Variants in ANKRD30BL observed in about 807,000 individuals in gnomAD.
The protein encoded by ANKRD30BL is ankyrin repeat domain 30B like.
In ANKRD30BL, 20 loss-of-function variants were observed where a neutral mutation model predicts 18.4. The observed-to-expected ratio is 1.09, with a 90% CI of 0.77 to 1.58. The LOEUF is 1.58. Ranked by LOEUF, ANKRD30BL falls within the 40% of genes most tolerant of loss-of-function variation. ANKRD30BL has a pLI of 0.00. For missense variants in ANKRD30BL, 224 were observed against 268.6 expected (o/e 0.83, Z 1.16); for synonymous variants, 72 against 100.9 (o/e 0.71, Z 1.72).
At chr2:132,154,287 T>C (rs1441905930) in intron 4 of ANKRD30BL, among the ~76,000 whole-genome samples, 2 of 152,154 alleles carry the variant, frequency 1.3e-5, no homozygotes, top group Non-Finnish European at 2.9e-5. Flanking sequence ...TTTAAAAGTG[T>C]ATGAAAAACA....
chr2:132,171,154 C>CAAAAAAA (rs34972551), intron 1 of ANKRD30BL, among the ~76,000 whole-genome samples: 4 of 120,628 alleles, frequency 3.3e-5, no homozygotes, highest in South Asian at 5.4e-4. Flanking sequence ...GACTCTGTCT[C>CAAAAAAA]AAAAAAAAAA....
chr2:132,237,536 C>A (rs1221383813), intron 1 of ANKRD30BL, among the ~76,000 whole-genome samples: 1 of 151,906 alleles, frequency 6.6e-6, no homozygotes, highest in Admixed American at 6.6e-5. Flanking sequence ...TTTGATAGAG[C>A]AGATTGGAAA....
At chr2:132,217,890 G>A (rs1679552449) in intron 1 of ANKRD30BL, among the ~76,000 whole-genome samples, 1 of 151,808 alleles carries the variant, frequency 6.6e-6, no homozygotes, top group Non-Finnish European at 1.5e-5. Flanking sequence ...TCTTTTTGTA[G>A]AATCTGCATG....
intron 1 of ANKRD30BL, among the ~76,000 whole-genome samples, chr2:132,204,680 T>C (rs201019326): frequency 0.042 from 3,194 of 75,176 alleles, no homozygotes; most frequent in East Asian, 0.13. Context: ...TAATTCAAGG[T>C]AGAAACAGCT....
intron 1 of ANKRD30BL, among the ~76,000 whole-genome samples, chr2:132,172,711 C>CA: frequency 7.0e-6 from 1 of 143,514 alleles, no homozygotes; most frequent in East Asian, 2.0e-4. Flanking sequence ...TTGAGGGTGA[C>CA]TTTTTTTTTT....
intron 1 of ANKRD30BL, among the ~76,000 whole-genome samples, chr2:132,236,913 G>A (rs1680166019): frequency 6.6e-6 from 1 of 151,596 alleles, no homozygotes; most frequent in African/African-American, 2.4e-5. Context: ...AAGAAAATGT[G>A]GCACATATAC....
At chr2:132,200,580 C>T (rs886379511) in intron 1 of ANKRD30BL, among the ~76,000 whole-genome samples, 1 of 152,126 alleles carries the variant, frequency 6.6e-6, no homozygotes, top group Non-Finnish European at 1.5e-5. Context: ...AGGAATCGGA[C>T]TTACAAGGGA....
At position 132,161,478 on chromosome 2, in the gene ANKRD30BL, G is replaced by T. The variant is rs750144651; in HGVS notation, c.218+10C>A. 1.4e-6 allele frequency: 2 copies of T among 1,453,034 alleles called. No individual in the cohort carries two copies. Among genetic ancestry groups the T allele is most frequent in the South Asian group, 2.4e-5 (2 of 81,948 alleles). 90.0% of individuals were successfully genotyped at this position (1,453,034 alleles called of 1,614,324 possible). A position where few individuals can be genotyped will look rare whatever the true frequency, so the allele number is the denominator to read the frequency against. ...CCTCCTGCAGCCCCGGCTCAGGCAG[G>T]GCCTGGTACCTCTTCTTCGCATCTC... On this transcript the variant is annotated intron_variant, in intron 1 of 5. Transcript: ENST00000409867.
At chr2:132,235,824 A>G (rs1315638469) in intron 1 of ANKRD30BL, among the ~76,000 whole-genome samples, 2 of 152,152 alleles carry the variant, frequency 1.3e-5, no homozygotes, top group Non-Finnish European at 2.9e-5. Context: ...TCTTCACACA[A>G]TTGGAAAAAT....
chr2:132,170,143 C>T (rs1212254468), intron 1 of ANKRD30BL, among the ~76,000 whole-genome samples: 2 of 152,116 alleles, frequency 1.3e-5, no homozygotes, highest in Admixed American at 1.3e-4. Context: ...CTATTTTTCT[C>T]TGAGAATTCA....
rs540352771 is a variant in ANKRD30BL at position 132,150,336 on chromosome 2, GTTTC to G, written c.679+572_679+575del. ...TTTATTTAACAGTTTATTTAACTGT[GTTTC>G]TTTATAGGTTATAATATTCAAATGT... On this transcript the variant is annotated intron_variant, in intron 5 of 5. Transcript: ENST00000409867. Among the ~76,000 whole-genome samples the G allele has an allele frequency of 1.2e-4, 17 of 145,036 alleles. No individual in the cohort carries two copies. In the South Asian group the frequency reaches 2.0e-3, roughly 17 times the overall value.
chr2:132,187,165 GTTTTTTGTTTTTTTTTTTGTTTGTT>G (rs1438989072), intron 1 of ANKRD30BL, among the ~76,000 whole-genome samples: 4 of 122,282 alleles, frequency 3.3e-5, no homozygotes, highest in Middle Eastern at 4.1e-3. Flanking sequence ...ATCGTAGGAA[GTTTTTTGTTTTTTTTTTTGTTTGTT>G]TTTTTTTTTT....
chr2:132,235,413 T>C (rs199895569), intron 1 of ANKRD30BL, among the ~76,000 whole-genome samples: 1 of 152,134 alleles, frequency 6.6e-6, no homozygotes, highest in Non-Finnish European at 1.5e-5. Context: ...TGTTTGCAGA[T>C]GACATGATTG....
intron 1 of ANKRD30BL, among the ~76,000 whole-genome samples, chr2:132,179,998 T>C (rs1688435142): frequency 6.6e-6 from 1 of 152,070 alleles, no homozygotes; most frequent in South Asian, 2.1e-4. Flanking sequence ...GTATATTAAA[T>C]AAAAAAATTA....
At chr2:132,166,664 C>T (rs1163737007), upstream of ANKRD30BL, among the ~76,000 whole-genome samples, 1 of 151,982 alleles carries the variant, frequency 6.6e-6, no homozygotes, top group East Asian at 1.9e-4. Context: ...TGTTTCACTT[C>T]CAATATTTGT....
chr2:132,246,217 C>T (rs906773955), intron 1 of ANKRD30BL, among the ~76,000 whole-genome samples: 23 of 151,416 alleles, frequency 1.5e-4, no homozygotes, highest in African/African-American at 5.6e-4. Flanking sequence ...TTTCATAGAG[C>T]AGTTTTGCAA....
At chr2:132,179,614 C>T (rs1193560133) in intron 1 of ANKRD30BL, among the ~76,000 whole-genome samples, 7 of 152,004 alleles carry the variant, frequency 4.6e-5, no homozygotes, top group Non-Finnish European at 7.4e-5. Flanking sequence ...TGAGAGGGTA[C>T]TACTTATTAA....
intron 1 of ANKRD30BL, among the ~76,000 whole-genome samples, chr2:132,161,203 G>A (rs1253594677): frequency 2.0e-5 from 3 of 151,866 alleles, no homozygotes. Flanking sequence ...TCTCTACACA[G>A]TGCTCTGTGA....
chr2:132,169,764 T>C (rs1688247687), intron 1 of ANKRD30BL, among the ~76,000 whole-genome samples: 1 of 151,792 alleles, frequency 6.6e-6, no homozygotes, highest in African/African-American at 2.4e-5. Flanking sequence ...GAAACATTGG[T>C]CAAGTCTTTA....
Sources: gnomAD v4.1 joint callset for allele counts (sites outside exome capture counted in the v4.1 genomes callset) on GRCh38, gnomAD v4.1.1 for gene constraint, MANE v1.5 for transcripts, NCBI Gene and HGNC (gene_info 2026-07-23, HGNC 2026-07-21) for gene names.